The following TM9SF4 variants were observed in gnomAD, a reference collection of about 807,000 sequenced individuals.
The protein encoded by TM9SF4 is dinucleotide oxidase disulfide thiol exchanger 3 superfamily member 4.
TM9SF4 carries 26 observed loss-of-function variants against 90.4 expected under a neutral mutation model. The observed-to-expected ratio is 0.29, with a 90% CI of 0.21 to 0.40. TM9SF4 has a LOEUF of 0.40. TM9SF4 is among the 10% of genes least tolerant of loss of function. TM9SF4 has a pLI of 1.00. For missense variants in TM9SF4, 549 were observed against 834.8 expected, an observed-to-expected ratio of 0.66 and a Z score of 4.22; for synonymous variants, 293 against 315.4, an observed-to-expected ratio of 0.93 and a Z score of 0.75.
intron 12 of TM9SF4, 60 bp from the exon 13 acceptor site, chr20:32,155,043 C>T: frequency 1.4e-6 from 2 of 1,450,144 alleles, no homozygotes; most frequent in Admixed American, 1.7e-5. Flanking sequence ...GGGGGCCCCA[C>T]CGGGACAGGT....
intron 1 of TM9SF4, among the ~76,000 whole-genome samples, chr20:32,131,390 T>C (rs959825276): frequency 1.3e-5 from 2 of 152,198 alleles, no homozygotes; most frequent in African/African-American, 4.8e-5. Flanking sequence ...CAACTTGTAG[T>C]CCAGGTAAAA....
Position 32,109,772 on chromosome 20 carries a change from C to A in TM9SF4, c.15+17C>A, listed in dbSNP as rs1047547725. 1.4e-4 allele frequency: 222 copies of A among 1,551,466 alleles called. No homozygotes were observed. The highest frequency in any genetic ancestry group is 1.8e-4 in the Non-Finnish European group (206 of 1,146,964). On this transcript the variant is annotated intron_variant, in intron 1 of 17. Coordinates refer to ENST00000398022, the MANE Select transcript of TM9SF4 (RefSeq NM_014742.4). ...ACGGCGATGGTGAGTGAAGGAGACT[C>A]CGGGAGCGGGAGCTGGAGCGGGGCC... is the stretch of plus-strand genomic sequence containing the variant.
intron 3 of TM9SF4, 60 bp from the exon 4 acceptor site, chr20:32,141,437 T>C: frequency 2.5e-6 from 4 of 1,593,510 alleles, no homozygotes; most frequent in Non-Finnish European, 3.4e-6. Context: ...TCTGTGACTC[T>C]GCTGACCTCA....
chr20:32,122,547 G>T (rs1287261708), intron 1 of TM9SF4, among the ~76,000 whole-genome samples: 2 of 151,040 alleles, frequency 1.3e-5, no homozygotes, highest in African/African-American at 4.9e-5. Flanking sequence ...CCGGGCAGAG[G>T]CGCTCCTCAC....
At chr20:32,119,653 G>T (rs906474115) in intron 1 of TM9SF4, among the ~76,000 whole-genome samples, 3 of 151,980 alleles carry the variant, frequency 2.0e-5, no homozygotes, top group African/African-American at 7.2e-5. Context: ...ATCTTTGGAA[G>T]TGTAAAAGTT....
chr20:32,139,935 C>T (rs1438935483), intron 3 of TM9SF4, among the ~76,000 whole-genome samples: 1 of 152,242 alleles, frequency 6.6e-6, no homozygotes, highest in Non-Finnish European at 1.5e-5. Flanking sequence ...CTGTCCTAGA[C>T]CCACTCCCCT....
chr20:32,117,551 A>T (rs1025196031), intron 1 of TM9SF4, among the ~76,000 whole-genome samples: 1 of 152,144 alleles, frequency 6.6e-6, no homozygotes, highest in Admixed American at 6.5e-5. Flanking sequence ...GTGAATTTGG[A>T]GTGGCTGGGG....
At chr20:32,155,541 C>T (rs556491326) in intron 13 of TM9SF4, among the ~76,000 whole-genome samples, 1 of 152,254 alleles carries the variant, frequency 6.6e-6, no homozygotes, top group Non-Finnish European at 1.5e-5. Context: ...CAAGCCTGTC[C>T]TCCTCAGTGT....
rs1407458446 is a variant in TM9SF4, at chr20:32,166,976, C to G, written c.*1532C>G. ...ATTTCTCAATCTTGCCTCACAGTGACTGCAGCGCCAAGCGGCATCCACCAA... is the reference window on the plus strand; with the variant it reads ...ATTTCTCAATCTTGCCTCACAGTGAGTGCAGCGCCAAGCGGCATCCACCAA... On this transcript the variant is annotated 3_prime_UTR_variant, in exon 18 of 18. Coordinates refer to ENST00000398022, the MANE Select transcript of TM9SF4 (RefSeq NM_014742.4). 6.6e-6 allele frequency: 1 copy of G among 152,140 alleles called. No individual in the cohort carries two copies. The highest frequency in any genetic ancestry group is 2.4e-5 in the African/African-American group (1 of 41,428). 9.4% of individuals were successfully genotyped at this position (152,140 alleles called of 1,614,324 possible).
intron 1 of TM9SF4, among the ~76,000 whole-genome samples, chr20:32,122,422 G>A (rs1461434057): frequency 1.7e-4 from 25 of 150,466 alleles, no homozygotes; most frequent in Non-Finnish European, 2.8e-4. Context: ...GGGTGCTGCC[G>A]GGCGGAGAGG....
intron 13 of TM9SF4, 71 bp from the exon 14 acceptor site, chr20:32,157,723 C>A: frequency 1.3e-6 from 2 of 1,567,120 alleles, no homozygotes; most frequent in Middle Eastern, 1.8e-4. Flanking sequence ...CCAGAAGGTC[C>A]CCTCCCCCTT....
chr20:32,111,202 G>A (rs2046138667), intron 1 of TM9SF4, among the ~76,000 whole-genome samples: 1 of 152,168 alleles, frequency 6.6e-6, no homozygotes, highest in Admixed American at 6.5e-5. Flanking sequence ...CAGACTTCAG[G>A]CTGAACCACG....
chr20:32,143,930 C>A (rs2046719956), intron 6 of TM9SF4, among the ~76,000 whole-genome samples: 1 of 151,204 alleles, frequency 6.6e-6, no homozygotes, highest in African/African-American at 2.4e-5. Context: ...TCCCTGTCTC[C>A]TTTTCTTACC....
intron 17 of TM9SF4, among the ~76,000 whole-genome samples, chr20:32,163,259 A>AAAAAC (rs2047045629): frequency 1.7e-4 from 15 of 89,186 alleles, no homozygotes; most frequent in African/African-American, 6.7e-4. Context: ...AAAAAAAAAA[A>AAAAAC]AAAAAAAAAA....
At chr20:32,136,728 T>G in intron 3 of TM9SF4, 1 of 405,532 alleles carries the variant, frequency 2.5e-6, no homozygotes, top group Non-Finnish European at 5.1e-6. Flanking sequence ...TAATTCTCCA[T>G]TTGACAGAAT....
intron 17 of TM9SF4, among the ~76,000 whole-genome samples, chr20:32,163,991 G>A (rs979874359): frequency 3.3e-5 from 5 of 152,082 alleles, no homozygotes; most frequent in Non-Finnish European, 7.3e-5. Flanking sequence ...TGGAAGACAA[G>A]GAACACGGTT....
At chr20:32,157,742 C>G in intron 13 of TM9SF4, 52 bp from the exon 14 acceptor site, 1 of 1,601,072 alleles carries the variant, frequency 6.2e-7, no homozygotes, top group Non-Finnish European at 8.5e-7. Context: ...TTGCGCAGCC[C>G]CCATCCCGGG....
chr20:32,140,214 T>C (rs189382014), intron 3 of TM9SF4, among the ~76,000 whole-genome samples: 1 of 152,336 alleles, frequency 6.6e-6, no homozygotes, highest in East Asian at 1.9e-4. Flanking sequence ...TGTCCATCAA[T>C]TGTTGAACAG....
chr20:32,109,950 G>A lies in TM9SF4; in HGVS notation c.15+195G>A, dbSNP rs1028864884. 15 of 1,415,242 alleles carry A rather than the reference G, an allele frequency of 1.1e-5. No homozygotes were observed. In the African/African-American group the frequency reaches 1.7e-4, roughly 16 times the overall value. The allele number at this position is 1,415,242 out of a possible 1,614,324, so 87.7% of individuals were successfully genotyped here. On this transcript the variant is annotated intron_variant, in intron 1 of 17. Transcript: ENST00000398022. ...TGCCCCTGCACTCAGGCTTGTGAAG[G>A]CCCCGAGTTTTGGGGGAGGCGCCGT...
Sources: allele counts gnomAD v4.1 joint callset (sites outside exome capture counted in the v4.1 genomes callset), GRCh38; gene constraint gnomAD v4.1.1; transcripts MANE v1.5; gene names NCBI Gene and HGNC (gene_info 2026-07-23, HGNC 2026-07-21).